SHANK2: variants seen among roughly 807,000 people sequenced by gnomAD.
SHANK2 encodes the protein SH3 and multiple ankyrin repeat domains 2, also known as SH3 and multiple ankyrin repeat domains protein 2.
A neutral mutation model predicts 133.7 loss-of-function variants in SHANK2; 43 were observed. The observed-to-expected ratio is 0.32, with a 90% confidence interval of 0.25 to 0.41. SHANK2 has a LOEUF of 0.41. SHANK2 is among the 10% of genes least tolerant of loss of function. The pLI is 1.00. For synonymous variants in SHANK2, 1,017 were observed against 952.8 expected (o/e 1.07, Z -1.24); for missense variants, 1,994 against 2,235.8 (o/e 0.89, Z 2.18).
intron 11 of SHANK2, among the ~76,000 whole-genome samples, chr11:70,890,360 G>A (rs185153448): frequency 2.1e-4 from 32 of 152,040 alleles, no homozygotes; most frequent in African/African-American, 7.2e-4. Context: ...AAAAAATTGG[G>A]CCAGGCCCAG....
At chr11:70,717,007 C>T (rs1383820731) in intron 14 of SHANK2, among the ~76,000 whole-genome samples, 2 of 150,678 alleles carry the variant, frequency 1.3e-5, no homozygotes, top group Non-Finnish European at 2.9e-5. Flanking sequence ...CTGATATAAA[C>T]CATTATGCAG....
chr11:70,823,284 C>G (rs12280353), intron 11 of SHANK2, among the ~76,000 whole-genome samples: 1 of 74,994 alleles, frequency 1.3e-5, no homozygotes, highest in Non-Finnish European at 2.6e-5. Context: ...AGAGGTGGCG[C>G]TGGCAGAGTT....
At position 70,503,380 on chromosome 11, in the gene SHANK2, C is replaced by T. The variant is rs148915142; in HGVS notation, c.2062-449G>A. Among the ~76,000 whole-genome samples the T allele has an allele frequency of 2.4e-3, 367 of 152,294 alleles. 2 individuals carry two copies. Among genetic ancestry groups the T allele is most frequent in the East Asian group, 0.024 (123 of 5,180 alleles). On this transcript the variant is annotated intron_variant, in intron 17 of 25. Transcript: ENST00000601538. ...ATCCTCACAGGAGGAGGAAACGTGGCGCTTAATTGCTTCTCATGTATTCTG... is the reference window on the plus strand; with the variant it reads ...ATCCTCACAGGAGGAGGAAACGTGGTGCTTAATTGCTTCTCATGTATTCTG...
At chr11:70,811,983 C>G (rs1948291314) in intron 12 of SHANK2, among the ~76,000 whole-genome samples, 1 of 152,266 alleles carries the variant, frequency 6.6e-6, no homozygotes, top group South Asian at 2.1e-4. Context: ...CTCAAAGCCT[C>G]AACCTCCCCA....
In SHANK2 at chr11:70,690,488, G is replaced by GTTTTTTTTT. The variant is rs35737323; in HGVS notation, c.1853+8191_1853+8199dup. On this transcript the variant is annotated intron_variant, in intron 15 of 25. Transcript: ENST00000601538. The stretch of plus-strand genomic sequence containing the variant: ...ATCATCATAATGTAATACTTCCCAT[G>GTTTTTTTTT]TTTTTTTTTTTTTTTTTTTTTTTTT... Among the ~76,000 whole-genome samples the GTTTTTTTTT allele has an allele frequency of 7.3e-4, 24 of 32,814 alleles. 4 individuals carry two copies. The highest frequency in any genetic ancestry group is 1.2e-3 in the Admixed American group (2 of 1,662). The allele number at this position is 32,814 out of a possible 152,430, so 21.5% of individuals were successfully genotyped here.
rs1951148223 is a variant in SHANK2 at position 71,071,934 on chromosome 11, G to C, written c.1029+3225C>G. On this transcript the variant is annotated intron_variant, in intron 9 of 25. Transcript: ENST00000601538. ...GCATCCAGCAGAGTTCCTCCTCTGA[G>C]ATCTCCCTCTGTTCCTCCAGGATAA... 2.6e-5 allele frequency among the ~76,000 whole-genome samples: 4 copies of C among 152,302 alleles called. No homozygotes were observed. In the South Asian group the frequency reaches 8.3e-4, roughly 32 times the overall value.
intron 9 of SHANK2, among the ~76,000 whole-genome samples, chr11:71,067,836 C>T (rs1198442816): frequency 7.1e-6 from 1 of 140,434 alleles, no homozygotes. Flanking sequence ...CCACCACCAT[C>T]GCTCACCAAC....
At chr11:70,787,676 A>AC (rs1346222647) in intron 14 of SHANK2, among the ~76,000 whole-genome samples, 1 of 151,202 alleles carries the variant, frequency 6.6e-6, no homozygotes, top group Admixed American at 6.6e-5. Context: ...AAACAGCATC[A>AC]CCATGGCTGC....
At chr11:70,707,655 G>C (rs923107953) in intron 14 of SHANK2, among the ~76,000 whole-genome samples, 9 of 152,150 alleles carry the variant, frequency 5.9e-5, no homozygotes, top group African/African-American at 1.2e-4. Context: ...CCTGGGCCAA[G>C]AGCAGAGTTT....
chr11:70,889,718 C>T (rs939369469), intron 11 of SHANK2, among the ~76,000 whole-genome samples: 5 of 152,298 alleles, frequency 3.3e-5, no homozygotes, highest in African/African-American at 4.8e-5. Flanking sequence ...GGCCGCTGGG[C>T]AGCGGGGGCC....
At position 70,820,437 on chromosome 11, in the gene SHANK2, G is replaced by C; in HGVS notation, c.1420C>G (p.Arg474Gly). The C allele has an allele frequency of 8.4e-6, 6 of 711,074 alleles. No individual in the cohort carries two copies. Among genetic ancestry groups the C allele is most frequent in the Non-Finnish European group, 1.6e-5 (6 of 380,396 alleles). The allele number at this position is 711,074 out of a possible 1,614,324, so 44.0% of individuals were successfully genotyped here. A position where few individuals can be genotyped will look rare whatever the true frequency, so the allele number is the denominator to read the frequency against. Residue 474 changes from arginine to glycine, a missense_variant, in exon 12 of 26, where the codon CGG (arginine) becomes GGG (glycine). By Grantham distance (125) the Arg-to-Gly change is moderately radical. Coordinates refer to ENST00000601538, the MANE Select transcript of SHANK2 (RefSeq NM_012309.5). ...IGSYVPGPRS[R>G]SPSLNRLGGA... ...CCCAGCCTGTTGAGCGATGGGGACC[G>C]GCTGCGGGGCCCGGGCACGTAGCTC...
chr11:70,923,323 A>ACCTC (rs1950376785), intron 10 of SHANK2, among the ~76,000 whole-genome samples: 2 of 151,896 alleles, frequency 1.3e-5, no homozygotes, highest in South Asian at 4.2e-4. Flanking sequence ...GCTCACCGCA[A>ACCTC]CCTCCGCCTC....
chr11:70,529,486 G>C (rs1279091758), intron 17 of SHANK2, among the ~76,000 whole-genome samples: 1 of 152,228 alleles, frequency 6.6e-6, no homozygotes, highest in Admixed American at 6.5e-5. Context: ...TGCAGATTCT[G>C]GGTTATTTTA....
chr11:70,613,946 G>A (rs1418122131), intron 17 of SHANK2, among the ~76,000 whole-genome samples: 1 of 151,942 alleles, frequency 6.6e-6, no homozygotes, highest in African/African-American at 2.4e-5. Context: ...TGCATTTTTA[G>A]TAGAGACAGG....
intron 10 of SHANK2, among the ~76,000 whole-genome samples, chr11:70,905,341 A>G (rs1164446344): frequency 1.3e-5 from 2 of 152,090 alleles, no homozygotes; most frequent in Non-Finnish European, 2.9e-5. Flanking sequence ...CACACCCTTC[A>G]CTGAACACCA....
chr11:70,581,615 C>T (rs191461240), intron 17 of SHANK2, among the ~76,000 whole-genome samples: 40 of 152,274 alleles, frequency 2.6e-4, no homozygotes, highest in African/African-American at 8.2e-4. Flanking sequence ...CACTTGAACC[C>T]GGGAGGCGGA....
intron 14 of SHANK2, among the ~76,000 whole-genome samples, chr11:70,757,840 T>C (rs1375349150): frequency 1.3e-5 from 2 of 152,144 alleles, no homozygotes; most frequent in Non-Finnish European, 2.9e-5. Context: ...CCTGCATGAA[T>C]GTCCCAGGGT....
intron 15 of SHANK2, chr11:70,697,968 T>A (rs1003535474): frequency 1.3e-5 from 2 of 152,458 alleles, no homozygotes; most frequent in Admixed American, 6.5e-5. Context: ...GCTCCCCACG[T>A]GGAGGGGCCT....
At chr11:70,745,330 G>T (rs1946615792) in intron 14 of SHANK2, among the ~76,000 whole-genome samples, 1 of 152,230 alleles carries the variant, frequency 6.6e-6, no homozygotes, top group African/African-American at 2.4e-5. Context: ...ACTCTCGGTT[G>T]AGTGGTCTCC....
Sources: allele counts gnomAD v4.1 joint callset (sites outside exome capture counted in the v4.1 genomes callset), GRCh38; gene constraint gnomAD v4.1.1; transcripts MANE v1.5; gene names NCBI Gene and HGNC (gene_info 2026-07-23, HGNC 2026-07-21).